Variants in OPCML observed in about 807,000 individuals in gnomAD.
OPCML encodes the protein opioid-binding protein/cell adhesion molecule.
OPCML carries 13 observed loss-of-function variants against 37.8 expected under a neutral mutation model. That is an observed-to-expected ratio of 0.34 (90% confidence interval 0.22 to 0.55). The LOEUF is 0.55. OPCML is among the 20% of genes least tolerant of loss of function. The pLI, the probability that OPCML is intolerant of heterozygous loss-of-function variation, is 0.91. For synonymous variants in OPCML, 176 were observed against 168.8 expected (o/e 1.04, Z -0.33); for missense variants, 341 against 435.6 (o/e 0.78, Z 1.93).
chr11:132,566,056 A>C (rs181764679), intron 3 of OPCML, among the ~76,000 whole-genome samples: 345 of 152,134 alleles, frequency 2.3e-3, no homozygotes, highest in African/African-American at 7.6e-3. Context: ...AATAAAAAAA[A>C]CCTCCCATTT....
At chr11:133,088,306 T>C (rs1392649365) in intron 1 of OPCML, among the ~76,000 whole-genome samples, 1 of 152,230 alleles carries the variant, frequency 6.6e-6, no homozygotes, top group African/African-American at 2.4e-5. Flanking sequence ...AGTTTCACCT[T>C]TGCCTCTAAC....
chr11:133,053,631 CT>C (rs1948170439), intron 1 of OPCML, among the ~76,000 whole-genome samples: 1 of 152,222 alleles, frequency 6.6e-6, no homozygotes, highest in Non-Finnish European at 1.5e-5. Flanking sequence ...CCTTCTTCCT[CT>C]TGAAGCACTT....
intron 1 of OPCML, among the ~76,000 whole-genome samples, chr11:133,350,303 A>AGTT (rs2136690642): frequency 6.6e-6 from 1 of 152,296 alleles, no homozygotes; most frequent in Non-Finnish European, 1.5e-5. Context: ...ACAGGTCTAT[A>AGTT]GTTTAGGGTA....
At chr11:132,725,381 GCA>G (rs1277726841) in intron 2 of OPCML, among the ~76,000 whole-genome samples, 1 of 152,156 alleles carries the variant, frequency 6.6e-6, no homozygotes, top group African/African-American at 2.4e-5. Flanking sequence ...TCCTTAGGAT[GCA>G]CACAGCAGGG....
intron 1 of OPCML, among the ~76,000 whole-genome samples, chr11:133,036,432 A>G (rs1048898429): frequency 6.6e-6 from 1 of 152,262 alleles, no homozygotes; most frequent in African/African-American, 2.4e-5. Context: ...ACATGCCCAC[A>G]TGCTATAATT....
chr11:133,520,906 G>T (rs1225439035), intron 1 of OPCML, among the ~76,000 whole-genome samples: 1 of 152,154 alleles, frequency 6.6e-6, no homozygotes, highest in Admixed American at 6.5e-5. Context: ...GGAAAAAAGA[G>T]GCAAACCAAA....
chr11:132,424,570 C>G (rs2136669177), intron 7 of OPCML, among the ~76,000 whole-genome samples: 2 of 152,298 alleles, frequency 1.3e-5, no homozygotes, highest in South Asian at 4.1e-4. Context: ...AGGAAATGCT[C>G]TCTACGCTCC....
intron 1 of OPCML, among the ~76,000 whole-genome samples, chr11:133,002,989 T>A (rs1452122194): frequency 1.3e-5 from 2 of 152,188 alleles, no homozygotes; most frequent in Non-Finnish European, 2.9e-5. Context: ...AAAGTCACAG[T>A]GACTTTTCTG....
intron 1 of OPCML, among the ~76,000 whole-genome samples, chr11:133,171,963 G>A (rs932014582): frequency 3.3e-5 from 5 of 152,150 alleles, no homozygotes; most frequent in African/African-American, 1.2e-4. Flanking sequence ...TTTAATGCTG[G>A]TCTGTTCCTT....
intron 1 of OPCML, among the ~76,000 whole-genome samples, chr11:133,259,281 T>C (rs1228960682): frequency 2.6e-5 from 4 of 152,202 alleles, no homozygotes; most frequent in Non-Finnish European, 5.9e-5. Flanking sequence ...TACATTTAAT[T>C]CTCAATTCAA....
chr11:132,492,502 GT>G (rs2096219198), intron 4 of OPCML, among the ~76,000 whole-genome samples: 1 of 152,094 alleles, frequency 6.6e-6, no homozygotes, highest in Non-Finnish European at 1.5e-5. Flanking sequence ...ATGGAGTGTT[GT>G]TGTTGTCATT....
At chr11:132,664,942 A>C (rs2135797112) in intron 2 of OPCML, among the ~76,000 whole-genome samples, 1 of 152,338 alleles carries the variant, frequency 6.6e-6, no homozygotes, top group Non-Finnish European at 1.5e-5. Flanking sequence ...ACAGCACAAA[A>C]ATATTTCAGT....
At chr11:132,892,595 C>T (rs985100622) in intron 2 of OPCML, among the ~76,000 whole-genome samples, 4 of 151,998 alleles carry the variant, frequency 2.6e-5, no homozygotes, top group African/African-American at 7.2e-5. Context: ...GGCAAAACCC[C>T]GTCTCTACTA....
At chr11:132,926,089 T>C (rs1234992226) in intron 2 of OPCML, among the ~76,000 whole-genome samples, 2 of 152,210 alleles carry the variant, frequency 1.3e-5, no homozygotes, top group Non-Finnish European at 2.9e-5. Flanking sequence ...ATCAGACACG[T>C]GGTTCCTGAC....
chr11:132,894,611 T>C (rs772510299), intron 2 of OPCML, among the ~76,000 whole-genome samples: 8 of 152,178 alleles, frequency 5.3e-5, no homozygotes, highest in Non-Finnish European at 7.3e-5. Flanking sequence ...CCAGAGGAGA[T>C]TGGCATGTGA....
chr11:133,482,723 A>T lies in OPCML; in HGVS notation c.61+49541T>A, dbSNP rs533828379. Among the ~76,000 whole-genome samples, 8 of 152,336 alleles carry T rather than the reference A, an allele frequency of 5.3e-5. No individual in the cohort carries two copies. The South Asian group carries it at 1.2e-3, about 24-fold the overall frequency. On this transcript the variant is annotated intron_variant, in intron 1 of 7. Transcript: ENST00000524381. ...TTGATGTTATGAAAACTAGCTTATT[A>T]TATGGAGAAAAATAAAGCTTGTTAT...
intron 4 of OPCML, among the ~76,000 whole-genome samples, chr11:132,454,571 C>T (rs1049705509): frequency 3.3e-5 from 5 of 152,222 alleles, no homozygotes; most frequent in African/African-American, 1.2e-4. Flanking sequence ...GGGCTCCCAG[C>T]TGAGGACAGA....
intron 3 of OPCML, among the ~76,000 whole-genome samples, chr11:132,533,398 G>A (rs1261401742): frequency 6.6e-6 from 1 of 152,158 alleles, no homozygotes; most frequent in Non-Finnish European, 1.5e-5. Flanking sequence ...CATTGACAGA[G>A]GTTGGGTAAG....
chr11:132,433,699 G>A (rs1213432374), intron 7 of OPCML, among the ~76,000 whole-genome samples: 1 of 152,132 alleles, frequency 6.6e-6, no homozygotes, highest in Non-Finnish European at 1.5e-5. Flanking sequence ...ATAAGGGTGG[G>A]ACCCTGATCC....
Sources: gnomAD v4.1 joint callset for allele counts (sites outside exome capture counted in the v4.1 genomes callset) on GRCh38, gnomAD v4.1.1 for gene constraint, MANE v1.5 for transcripts, NCBI Gene and HGNC (gene_info 2026-07-23, HGNC 2026-07-21) for gene names.